Variants in PTPN4 observed in about 807,000 individuals in gnomAD.
PTPN4 encodes protein tyrosine phosphatase non-receptor type 4.
A neutral mutation model predicts 135.5 loss-of-function variants in PTPN4; 49 were observed. The ratio of observed to expected loss-of-function variants is 0.36; its 90% CI spans 0.29 to 0.46. PTPN4 has a LOEUF of 0.46. PTPN4 is among the 20% of genes least tolerant of loss of function. PTPN4 has a pLI of 1.00. For missense variants in PTPN4, 860 were observed against 1,101.0 expected, an observed-to-expected ratio of 0.78 and a Z score of 3.10; for synonymous variants, 333 against 369.9, an observed-to-expected ratio of 0.90 and a Z score of 1.14.
chr2:119,946,709 T>C, intron 18 of PTPN4, 135 bp downstream of exon 18: 1 of 703,062 alleles, frequency 1.4e-6, no homozygotes, highest in South Asian at 2.2e-5. Context: ...TGGCTGAATC[T>C]CTTTAAGTTG....
chr2:119,941,781 C>T (rs1259999130), intron 15 of PTPN4, among the ~76,000 whole-genome samples: 1 of 152,106 alleles, frequency 6.6e-6, no homozygotes, highest in East Asian at 1.9e-4. Flanking sequence ...TATACTTGGG[C>T]TCTTTTCCTA....
chr2:119,880,531 G>T (rs1383407008), intron 5 of PTPN4, among the ~76,000 whole-genome samples: 1 of 151,446 alleles, frequency 6.6e-6, no homozygotes, highest in Non-Finnish European at 1.5e-5. Flanking sequence ...CCAGGTTCAC[G>T]CCATTCTCCT....
intron 5 of PTPN4, among the ~76,000 whole-genome samples, chr2:119,881,538 C>T (rs1341607641): frequency 6.6e-6 from 1 of 152,144 alleles, no homozygotes; most frequent in Non-Finnish European, 1.5e-5. Flanking sequence ...ATCTTGAGGG[C>T]TTCTATAATG....
At chr2:119,824,868 A>T (rs969522095) in intron 2 of PTPN4, among the ~76,000 whole-genome samples, 1 of 152,008 alleles carries the variant, frequency 6.6e-6, no homozygotes, top group African/African-American at 2.4e-5. Context: ...TTGCATTTTT[A>T]GTAGAGACAG....
At chr2:119,946,732 T>A (rs112796660) in intron 18 of PTPN4, 158 bp downstream of exon 18, 6 of 601,142 alleles carry the variant, frequency 1.0e-5, no homozygotes, top group African/African-American at 5.7e-5. Context: ...GGGAAGTTAG[T>A]TTTGACTTGT....
At chr2:119,873,461 T>C (rs543592589) in intron 3 of PTPN4, among the ~76,000 whole-genome samples, 1 of 152,276 alleles carries the variant, frequency 6.6e-6, no homozygotes, top group Admixed American at 6.5e-5. Context: ...AAAATTAACT[T>C]TGTCATGTGA....
chr2:119,920,213 T>C lies in PTPN4; in HGVS notation c.973T>C (p.Phe325Leu), dbSNP rs1046150502. Reference sequence around the variant, plus strand: ...TCAAAAGAATTTTTTTGCACATTATTTTACATTAGGTTCAAAATTCCGGTA... The same window carrying C: ...TCAAAAGAATTTTTTTGCACATTATCTTACATTAGGTTCAAAATTCCGGTA... ...PPQKNFFAHY[F>L]TLGSKFRYCG... is the part of the protein sequence containing the mutation. The change falls in exon 12 of 27, where the codon TTT (phenylalanine) becomes CTT (leucine). Residue 325 changes from phenylalanine (F) to leucine (L), a missense_variant. Physicochemically the swap from Phe to Leu is conservative, Grantham distance 22. Around this residue, in one of 2 missense-constraint regions of PTPN4, gnomAD observed 684 missense variants for 807.0 expected, o/e 0.85. Coordinates refer to ENST00000263708, the MANE Select transcript of PTPN4 (RefSeq NM_002830.4). 1.2e-6 allele frequency: 2 copies of C among 1,612,234 alleles called. No individual in the cohort carries two copies. The highest frequency in any genetic ancestry group is 1.7e-6 in the Non-Finnish European group (2 of 1,179,236).
intron 1 of PTPN4, among the ~76,000 whole-genome samples, chr2:119,777,025 T>G (rs1690849285): frequency 6.6e-6 from 1 of 152,236 alleles, no homozygotes; most frequent in Non-Finnish European, 1.5e-5. Context: ...CATTCTTTCT[T>G]AGAGTAAAAG....
chr2:119,809,817 T>A lies in PTPN4; in HGVS notation c.-17-20T>A, dbSNP rs750504609. 26 of 426,962 alleles carry A rather than the reference T, an allele frequency of 6.1e-5. No individual in the cohort carries two copies. Among genetic ancestry groups the A allele is most frequent in the Non-Finnish European group, 9.1e-5 (26 of 286,196 alleles). The allele number at this position is 426,962 out of a possible 1,614,324, so 26.4% of individuals were successfully genotyped here. A position where few individuals can be genotyped will look rare whatever the true frequency, so the allele number is the denominator to read the frequency against. ...TTTTACGAACCTTTTATTTAGTGAATTTTTTTTTTTTTAACTTAGACTTTG... is the reference window on the plus strand; with the variant it reads ...TTTTACGAACCTTTTATTTAGTGAAATTTTTTTTTTTTAACTTAGACTTTG... On this transcript the variant is annotated intron_variant, in intron 1 of 26. Coordinates refer to ENST00000263708, the MANE Select transcript of PTPN4 (RefSeq NM_002830.4).
At chr2:119,965,758 A>C in intron 25 of PTPN4, 113 bp downstream of exon 25, 8 of 1,270,152 alleles carry the variant, frequency 6.3e-6, no homozygotes, top group Non-Finnish European at 8.7e-6. Flanking sequence ...ATTAGAACTC[A>C]AAGCTATGCT....
intron 15 of PTPN4, among the ~76,000 whole-genome samples, chr2:119,936,553 C>T (rs1050535127): frequency 2.6e-5 from 4 of 152,176 alleles, no homozygotes; most frequent in Admixed American, 2.0e-4. Flanking sequence ...TCTCCTGCCG[C>T]CCTGTGAAGA....
chr2:119,955,408 T>G, intron 20 of PTPN4, 85 bp downstream of exon 20: 1 of 1,073,946 alleles, frequency 9.3e-7, no homozygotes, highest in Non-Finnish European at 1.2e-6. Context: ...AATCTGTGCA[T>G]TATAATTTCT....
intron 1 of PTPN4, among the ~76,000 whole-genome samples, chr2:119,777,429 T>C (rs1344039892): frequency 5.3e-5 from 8 of 152,196 alleles, no homozygotes. Flanking sequence ...TTCCTCATTA[T>C]AATGGAAGCT....
At chr2:119,956,433 T>G (rs966506273) in intron 20 of PTPN4, among the ~76,000 whole-genome samples, 1 of 152,110 alleles carries the variant, frequency 6.6e-6, no homozygotes, top group Non-Finnish European at 1.5e-5. Flanking sequence ...TATTTGTTGT[T>G]CTGACATATA....
rs938327984 is a variant in PTPN4 at position 119,968,029 on chromosome 2, C to T, written c.2694+57C>T. ...TTCTTAACATGATGATTTTTGTTGC[C>T]AATGCATATTCTAAATCATATTTTT... On this transcript the variant is annotated intron_variant, in intron 26 of 26. Coordinates refer to ENST00000263708, the MANE Select transcript of PTPN4 (RefSeq NM_002830.4). 6 of 1,236,752 alleles carry T rather than the reference C, an allele frequency of 4.9e-6. No individual in the cohort carries two copies. In the Admixed American group the frequency reaches 1.5e-4, roughly 31 times the overall value. The allele number at this position is 1,236,752 out of a possible 1,614,324, so 76.6% of individuals were successfully genotyped here.
At chr2:119,944,194 C>T (rs1679101942) in intron 15 of PTPN4, among the ~76,000 whole-genome samples, 1 of 152,132 alleles carries the variant, frequency 6.6e-6, no homozygotes, top group Non-Finnish European at 1.5e-5. Context: ...TGTCCTTAGG[C>T]AATAAGACAG....
intron 9 of PTPN4, among the ~76,000 whole-genome samples, chr2:119,899,978 C>T (rs1290139963): frequency 6.6e-6 from 1 of 152,006 alleles, no homozygotes; most frequent in Non-Finnish European, 1.5e-5. Context: ...GTGGTAAAAG[C>T]GTGCCTCCTG....
intron 2 of PTPN4, among the ~76,000 whole-genome samples, chr2:119,849,246 A>G (rs1677554563): frequency 6.6e-6 from 1 of 151,844 alleles, no homozygotes; most frequent in Non-Finnish European, 1.5e-5. Flanking sequence ...TGTTTCTCTT[A>G]TATGTTTCTG....
intron 1 of PTPN4, among the ~76,000 whole-genome samples, chr2:119,769,151 G>A (rs143327323): frequency 1.1e-3 from 160 of 152,308 alleles, no homozygotes; most frequent in African/African-American, 3.2e-3. Context: ...AGGGCTCTCC[G>A]AAATCAAGAA....
Sources: allele counts gnomAD v4.1 joint callset (sites outside exome capture counted in the v4.1 genomes callset), GRCh38; gene constraint gnomAD v4.1.1; regional missense constraint gnomAD v4.1.1; transcripts MANE v1.5; gene names NCBI Gene and HGNC (gene_info 2026-07-23, HGNC 2026-07-21).